The following EVA1C variants were observed in gnomAD, a reference collection of about 807,000 sequenced individuals.
EVA1C encodes the protein eva-1 homolog C.
EVA1C carries 25 observed loss-of-function variants against 45.4 expected under a neutral mutation model. That is an observed-to-expected ratio of 0.55 (90% confidence interval 0.40 to 0.77). The LOEUF (loss-of-function observed/expected upper bound fraction) is 0.77, where lower values mean the gene tolerates loss of function less well. EVA1C is among the 30% of genes least tolerant of loss of function. The pLI is 0.00. For missense variants in EVA1C, 479 were observed against 554.8 expected, an observed-to-expected ratio of 0.86 and a Z score of 1.37; for synonymous variants, 190 against 221.2, an observed-to-expected ratio of 0.86 and a Z score of 1.25.
rs1013887981 is a variant in EVA1C, at chr21:32,515,266, C to A, written c.*76C>A. 1.4e-6 allele frequency: 2 copies of A among 1,447,076 alleles called. No homozygotes were observed. Among genetic ancestry groups the A allele is most frequent in the Non-Finnish European group, 1.9e-6 (2 of 1,075,020 alleles). 89.6% of individuals were successfully genotyped at this position (1,447,076 alleles called of 1,614,324 possible). Reference sequence around the variant, plus strand: ...CAAATGCCCCTCCAGTTCTGGTTCACCTGTACCTTCTATGAAGGAGAATTC... The same window carrying A: ...CAAATGCCCCTCCAGTTCTGGTTCAACTGTACCTTCTATGAAGGAGAATTC... On this transcript the variant is annotated 3_prime_UTR_variant, in exon 8 of 8. Transcript: ENST00000300255.
chr21:32,489,700 T>C (rs1328945908), intron 4 of EVA1C, among the ~76,000 whole-genome samples: 1 of 152,244 alleles, frequency 6.6e-6, no homozygotes, highest in South Asian at 2.1e-4. Flanking sequence ...GTATGAACAC[T>C]GTAACCATAT....
At chr21:32,431,282 G>A (rs2034693550) in intron 1 of EVA1C, among the ~76,000 whole-genome samples, 1 of 152,236 alleles carries the variant, frequency 6.6e-6, no homozygotes, top group Non-Finnish European at 1.5e-5. Context: ...TTAGTGGAAG[G>A]ACCAAGACTG....
intron 1 of EVA1C, among the ~76,000 whole-genome samples, chr21:32,419,091 A>G (rs1042853632): frequency 2.6e-5 from 4 of 152,196 alleles, no homozygotes; most frequent in African/African-American, 9.6e-5. Flanking sequence ...TCTGTTCATA[A>G]TGTTTTTTAT....
chr21:32,468,735 G>A (rs1416687370), intron 4 of EVA1C, among the ~76,000 whole-genome samples: 1 of 152,182 alleles, frequency 6.6e-6, no homozygotes, highest in Non-Finnish European at 1.5e-5. Context: ...GCTGGCAACT[G>A]ATTAGATTGT....
At chr21:32,460,851 T>C (rs2035971962) in intron 3 of EVA1C, among the ~76,000 whole-genome samples, 1 of 152,060 alleles carries the variant, frequency 6.6e-6, no homozygotes, top group Non-Finnish European at 1.5e-5. Context: ...TTTCAAGCGA[T>C]TCTCCTGCCT....
intron 1 of EVA1C, among the ~76,000 whole-genome samples, chr21:32,426,052 G>A (rs1340891776): frequency 6.6e-6 from 1 of 151,972 alleles, no homozygotes; most frequent in Non-Finnish European, 1.5e-5. Flanking sequence ...TCTGCAGCCC[G>A]AAGGAGGTCT....
At chr21:32,458,823 C>A (rs1468929182) in intron 3 of EVA1C, among the ~76,000 whole-genome samples, 1 of 152,136 alleles carries the variant, frequency 6.6e-6, no homozygotes, top group Non-Finnish European at 1.5e-5. Context: ...CCCAACACAA[C>A]TGTTTTCACT....
At chr21:32,512,400 C>T (rs189727921) in intron 7 of EVA1C, among the ~76,000 whole-genome samples, 13 of 152,286 alleles carry the variant, frequency 8.5e-5, no homozygotes, top group African/African-American at 2.6e-4. Context: ...CCATAGTTAC[C>T]GGCTGTGGCA....
chr21:32,450,398 C>A (rs1288338867), intron 1 of EVA1C, among the ~76,000 whole-genome samples: 4 of 112,002 alleles, frequency 3.6e-5, no homozygotes, highest in Non-Finnish European at 5.2e-5. Flanking sequence ...TTTTTTTTTT[C>A]ATCTAGCTAC....
chr21:32,483,115 TC>T (rs199876230), intron 4 of EVA1C, among the ~76,000 whole-genome samples: 1,518 of 144,400 alleles, frequency 0.011, 27 homozygotes, highest in African/African-American at 0.037. Context: ...CACCTCAGCC[TC>T]CCAAAATGTT....
At chr21:32,453,251 C>A in intron 1 of EVA1C, 61 bp from the exon 2 acceptor site, 1 of 1,313,724 alleles carries the variant, frequency 7.6e-7, no homozygotes, top group East Asian at 2.4e-5. Context: ...CTCCTGTCCC[C>A]AAACCCATGG....
chr21:32,471,203 C>A (rs541261893), intron 4 of EVA1C, among the ~76,000 whole-genome samples: 1 of 151,938 alleles, frequency 6.6e-6, no homozygotes, highest in Non-Finnish European at 1.5e-5. Context: ...CTTTTTTTTT[C>A]TTTAATTCTT....
chr21:32,481,368 A>G (rs2036777972), intron 4 of EVA1C, among the ~76,000 whole-genome samples: 1 of 151,704 alleles, frequency 6.6e-6, no homozygotes, highest in Non-Finnish European at 1.5e-5. Context: ...ACTTACATAT[A>G]AGGATTGTGG....
rs144030094 is a variant in EVA1C, at chr21:32,471,277, C to T, written c.634+3429C>T. The stretch of plus-strand genomic sequence containing the variant: ...GATTGTGCAAGGCATTGTGGATCTA[C>T]GTCTTCTTTACGGGCTCTGTGTTCC... On this transcript the variant is annotated intron_variant, in intron 4 of 7. Transcript: ENST00000300255. 9.7e-3 allele frequency among the ~76,000 whole-genome samples: 1,478 copies of T among 151,758 alleles called. 29 individuals are homozygous for T. The highest frequency in any genetic ancestry group is 0.037 in the Admixed American group (556 of 15,214).
intron 1 of EVA1C, among the ~76,000 whole-genome samples, chr21:32,443,176 T>C (rs1388626468): frequency 6.6e-6 from 1 of 152,066 alleles, no homozygotes; most frequent in Non-Finnish European, 1.5e-5. Context: ...TGGCCGCGAG[T>C]GTAATTTGAT....
chr21:32,437,774 C>G (rs1442913600), intron 1 of EVA1C, among the ~76,000 whole-genome samples: 1 of 152,176 alleles, frequency 6.6e-6, no homozygotes, highest in African/African-American at 2.4e-5. Flanking sequence ...TGCGTTTCCT[C>G]TCTCCCAGTG....
intron 1 of EVA1C, among the ~76,000 whole-genome samples, chr21:32,422,842 A>C (rs1304280668): frequency 1.3e-5 from 2 of 152,050 alleles, no homozygotes. Context: ...TGGAAGGCCG[A>C]GGCAGATCAC....
At chr21:32,512,222 T>TTCA (rs1280169708) in intron 7 of EVA1C, among the ~76,000 whole-genome samples, 1 of 152,272 alleles carries the variant, frequency 6.6e-6, no homozygotes, top group African/African-American at 2.4e-5. Flanking sequence ...CGGGTGTGCA[T>TTCA]TCATAGCACT....
In EVA1C at chr21:32,514,819, C is replaced by T; in HGVS notation, c.955C>T (p.Pro319Ser). 1 of 1,555,104 alleles carries T rather than the reference C, an allele frequency of 6.4e-7. No homozygotes were observed. The change falls in exon 8 of 8, where the codon CCG becomes TCG. Residue 319 changes from proline to serine, a missense_variant. Pro to Ser is a moderately conservative substitution (Grantham distance 74). Coordinates refer to ENST00000300255, the MANE Select transcript of EVA1C (RefSeq NM_058187.5). ...ATGTTCTCTTCCTCCTGCAGCCCACCCGGAGAGAGCTGCCCTGCTGTTCGT... is the reference window on the plus strand; with the variant it reads ...ATGTTCTCTTCCTCCTGCAGCCCACTCGGAGAGAGCTGCCCTGCTGTTCGT... ...LAAFAYIRAH[P>S]ERAALLFVSS...
Sources: allele counts gnomAD v4.1 joint callset (sites outside exome capture counted in the v4.1 genomes callset), GRCh38; gene constraint gnomAD v4.1.1; transcripts MANE v1.5; gene names NCBI Gene and HGNC (gene_info 2026-07-23, HGNC 2026-07-21).